MC2R: variants seen among roughly 807,000 people sequenced by gnomAD.
The protein encoded by MC2R is melanocortin 2 receptor, also known as adrenocorticotropic hormone receptor.
Under a neutral mutation model 9.8 loss-of-function variants are expected in MC2R, and 9 were observed. The observed-to-expected ratio is 0.92, with a 90% confidence interval of 0.55 to 1.60. The LOEUF is 1.60. MC2R is among the 40% of genes most tolerant of loss of function. MC2R has a pLI of 0.00. For synonymous variants in MC2R, 185 were observed against 154.7 expected, an observed-to-expected ratio of 1.20 and a Z score of -1.45; for missense variants, 370 against 389.0, an observed-to-expected ratio of 0.95 and a Z score of 0.41.
At chr18:13,907,687 C>A (rs1469791235) in intron 1 of MC2R, among the ~76,000 whole-genome samples, 4 of 152,054 alleles carry the variant, frequency 2.6e-5, no homozygotes, top group Non-Finnish European at 5.9e-5. Context: ...AAAAGAAAAC[C>A]AACAAATAAT....
At chr18:13,901,836 T>A (rs1356820994) in intron 1 of MC2R, among the ~76,000 whole-genome samples, 3 of 152,146 alleles carry the variant, frequency 2.0e-5, no homozygotes, top group Non-Finnish European at 4.4e-5. Flanking sequence ...CTACTCAAAC[T>A]GTTTTGAAAA....
intron 1 of MC2R, among the ~76,000 whole-genome samples, chr18:13,898,693 T>A (rs968622232): frequency 6.6e-6 from 1 of 152,230 alleles, no homozygotes; most frequent in Non-Finnish European, 1.5e-5. Context: ...TCTGTATGTT[T>A]GGGAGAAAGT....
chr18:13,910,469 C>T (rs554556983), intron 1 of MC2R, among the ~76,000 whole-genome samples: 1 of 152,322 alleles, frequency 6.6e-6, no homozygotes, highest in South Asian at 2.1e-4. Context: ...TTGACATCTT[C>T]AAAATAGCTT....
At chr18:13,885,989 A>G (rs1210849473) in intron 1 of MC2R, among the ~76,000 whole-genome samples, 7 of 152,130 alleles carry the variant, frequency 4.6e-5, no homozygotes, top group Non-Finnish European at 8.8e-5. Flanking sequence ...AGGAAGTCAA[A>G]TACTACATGT....
At chr18:13,901,820 C>T (rs2045381642) in intron 1 of MC2R, among the ~76,000 whole-genome samples, 1 of 152,080 alleles carries the variant, frequency 6.6e-6, no homozygotes, top group Non-Finnish European at 1.5e-5. Flanking sequence ...AGAACTAGTA[C>T]CAATCCTACT....
intron 1 of MC2R, among the ~76,000 whole-genome samples, chr18:13,893,534 T>C (rs2045329211): frequency 6.6e-6 from 1 of 152,216 alleles, no homozygotes; most frequent in Non-Finnish European, 1.5e-5. Context: ...TTTTTGCTTG[T>C]CTTACCCTCC....
chr18:13,888,859 T>C (rs1359515441), intron 1 of MC2R, among the ~76,000 whole-genome samples: 1 of 152,212 alleles, frequency 6.6e-6, no homozygotes, highest in African/African-American at 2.4e-5. Context: ...ATTTCAACAA[T>C]GTCTTTGGCT....
rs1426866288 is a variant in MC2R, at chr18:13,908,867, G to C, written c.-129+6621C>G. On this transcript the variant is annotated intron_variant, in intron 1 of 1. Transcript: ENST00000327606. ...ATTTTAGAACAGTTTTAAATTTATG[G>C]AAAAGTTGCAAAGATAGTAGAGTCC... 2.0e-5 allele frequency among the ~76,000 whole-genome samples: 3 copies of C among 152,034 alleles called. No homozygotes were observed. The East Asian group carries it at 5.8e-4, about 29-fold the overall frequency.
intron 1 of MC2R, among the ~76,000 whole-genome samples, chr18:13,896,968 C>T (rs1213310189): frequency 6.6e-6 from 1 of 152,120 alleles, no homozygotes; most frequent in Admixed American, 6.5e-5. Context: ...AACAGAATGC[C>T]AGAATAGAAG....
intron 1 of MC2R, among the ~76,000 whole-genome samples, chr18:13,905,323 TA>T (rs1336180087): frequency 9.2e-5 from 14 of 151,944 alleles, no homozygotes; most frequent in African/African-American, 3.4e-4. Context: ...CCGTCTCTAC[TA>T]AAAATACAAA....
At chr18:13,893,334 T>C (rs2045328103) in intron 1 of MC2R, among the ~76,000 whole-genome samples, 2 of 152,070 alleles carry the variant, frequency 1.3e-5, no homozygotes, top group African/African-American at 4.8e-5. Context: ...AGTCAGAGAG[T>C]AATTTTTTAC....
chr18:13,905,471 C>A (rs578251181), intron 1 of MC2R, among the ~76,000 whole-genome samples: 2 of 141,288 alleles, frequency 1.4e-5, no homozygotes, highest in Admixed American at 7.1e-5. Context: ...GGCAACAGAG[C>A]GAGACTCCCT....
At chr18:13,900,992 T>A (rs2045376491) in intron 1 of MC2R, among the ~76,000 whole-genome samples, 3 of 152,130 alleles carry the variant, frequency 2.0e-5, no homozygotes, top group Admixed American at 1.3e-4. Flanking sequence ...AGACCATATG[T>A]TAGGTCACAA....
chr18:13,911,418 T>C (rs1336943470), intron 1 of MC2R, among the ~76,000 whole-genome samples: 1 of 152,256 alleles, frequency 6.6e-6, no homozygotes, highest in Non-Finnish European at 1.5e-5. Context: ...AACTAGTTTA[T>C]AACTGGTTTA....
At position 13,887,360 on chromosome 18, in the gene MC2R, C is replaced by A. The variant is rs574049686; in HGVS notation, c.-128-1714G>T. 4.0e-4 allele frequency among the ~76,000 whole-genome samples: 47 copies of A among 118,324 alleles called. 1 individual carries two copies. Among genetic ancestry groups the A allele is most frequent in the African/African-American group, 1.3e-3 (45 of 33,402 alleles). The allele number at this position is 118,324 out of a possible 152,430, so 77.6% of individuals were successfully genotyped here. ...AAGCCTGTGTGCTGTGTCCCACCTGCTGGGGAAGCCTCGGGGATGGCAGGG... is the reference window on the plus strand; with the variant it reads ...AAGCCTGTGTGCTGTGTCCCACCTGATGGGGAAGCCTCGGGGATGGCAGGG... On this transcript the variant is annotated intron_variant, in intron 1 of 1. Coordinates refer to ENST00000327606, the MANE Select transcript of MC2R (RefSeq NM_000529.2).
intron 1 of MC2R, among the ~76,000 whole-genome samples, chr18:13,900,496 G>A (rs1444779674): frequency 1.3e-5 from 2 of 152,030 alleles, no homozygotes; most frequent in Non-Finnish European, 2.9e-5. Context: ...TTGATCTGCT[G>A]CCTACAAGAA....
chr18:13,905,764 A>G (rs867566729), intron 1 of MC2R, among the ~76,000 whole-genome samples: 1 of 152,320 alleles, frequency 6.6e-6, no homozygotes, highest in African/African-American at 2.4e-5. Flanking sequence ...CCAAAGAAAT[A>G]TAAATTATTC....
At position 13,886,681 on chromosome 18, in the gene MC2R, C is replaced by A. The variant is rs35693833; in HGVS notation, c.-128-1035G>T. Among the ~76,000 whole-genome samples, 364 of 152,272 alleles carry A rather than the reference C, an allele frequency of 2.4e-3. 2 individuals are homozygous for A. Among genetic ancestry groups the A allele is most frequent in the Admixed American group, 6.1e-3 (93 of 15,284 alleles). On this transcript the variant is annotated intron_variant, in intron 1 of 1. Coordinates refer to ENST00000327606, the MANE Select transcript of MC2R (RefSeq NM_000529.2). ...TGTTTCAAAGGTGGAGCTCCTGGGA[C>A]TGGCATTTCTGGAGACTTCTTATTT... is the stretch of plus-strand genomic sequence containing the variant.
At chr18:13,897,885 C>T (rs985288508) in intron 1 of MC2R, among the ~76,000 whole-genome samples, 15 of 151,962 alleles carry the variant, frequency 9.9e-5, no homozygotes, top group African/African-American at 2.7e-4. Flanking sequence ...CCAGGTACTA[C>T]GCTGAAGGCC....
Sources: gnomAD v4.1 joint callset for allele counts (sites outside exome capture counted in the v4.1 genomes callset) on GRCh38, gnomAD v4.1.1 for gene constraint, MANE v1.5 for transcripts, NCBI Gene and HGNC (gene_info 2026-07-23, HGNC 2026-07-21) for gene names.